The following DLGAP2 variants were observed in gnomAD, a reference collection of about 807,000 sequenced individuals.
The protein encoded by DLGAP2 is DLG associated protein 2.
In DLGAP2, 26 loss-of-function variants were observed where a neutral mutation model predicts 100.3. The observed-to-expected ratio is 0.26, with a 90% CI of 0.19 to 0.36. The LOEUF (loss-of-function observed/expected upper bound fraction) is 0.36. Ranked by LOEUF, DLGAP2 falls within the 10% of genes least tolerant of loss-of-function variation. The pLI is 1.00. For synonymous variants in DLGAP2, 886 were observed against 630.1 expected (o/e 1.41, Z -6.08); for missense variants, 1,858 against 1,453.2 (o/e 1.28, Z -4.53).
In DLGAP2 at chr8:1,464,915, A is replaced by C. The variant is rs529956219; in HGVS notation, c.107-36451A>C. On this transcript the variant is annotated intron_variant, in intron 3 of 14. Coordinates refer to ENST00000637795, the MANE Select transcript of DLGAP2 (RefSeq NM_001346810.2). The stretch of plus-strand genomic sequence containing the variant: ...CACAAAAAAAAAGTAGTATCTGAGT[A>C]GAGAAAAAGCACAAACCATGTGAGG... Among the ~76,000 whole-genome samples the C allele has an allele frequency of 9.7e-4, 142 of 145,964 alleles. 1 individual carries two copies. Among genetic ancestry groups the C allele is most frequent in the African/African-American group, 3.4e-3 (133 of 39,458 alleles).
intron 2 of DLGAP2, chr8:927,195 C>A: frequency 1.0e-6 from 1 of 985,382 alleles, no homozygotes; most frequent in Non-Finnish European, 1.2e-6. Flanking sequence ...AAAACTCCTA[C>A]AAAGGTAAGA....
intron 1 of DLGAP2, among the ~76,000 whole-genome samples, chr8:814,523 T>C (rs575264954): frequency 1.3e-5 from 2 of 152,244 alleles, no homozygotes; most frequent in African/African-American, 4.8e-5. Flanking sequence ...TCGGATCCCA[T>C]AAACCAATAT....
intron 1 of DLGAP2, among the ~76,000 whole-genome samples, chr8:796,166 G>A (rs1404265176): frequency 6.6e-6 from 1 of 152,204 alleles, no homozygotes; most frequent in African/African-American, 2.4e-5. Context: ...CAGGTGTCCA[G>A]TGAGAACAGG....
intron 2 of DLGAP2, among the ~76,000 whole-genome samples, chr8:1,008,797 C>G (rs1385145309): frequency 6.6e-6 from 1 of 152,218 alleles, no homozygotes; most frequent in Non-Finnish European, 1.5e-5. Context: ...GGTGCTGCGC[C>G]CCCACTGGTG....
chr8:1,072,501 C>T (rs186671244), intron 2 of DLGAP2, among the ~76,000 whole-genome samples: 6 of 152,218 alleles, frequency 3.9e-5, no homozygotes, highest in East Asian at 3.9e-4. Context: ...GAGAACTCGA[C>T]GCGTGTTTGA....
chr8:789,794 C>T (rs143928506), intron 1 of DLGAP2, among the ~76,000 whole-genome samples: 12 of 152,302 alleles, frequency 7.9e-5, no homozygotes, highest in Non-Finnish European at 1.6e-4. Flanking sequence ...GTTTAGAGAC[C>T]TGGCCTGTGA....
At chr8:1,371,575 C>T (rs73670792) in intron 3 of DLGAP2, among the ~76,000 whole-genome samples, 2,067 of 152,288 alleles carry the variant, frequency 0.014, 43 homozygotes, top group African/African-American at 0.045. Flanking sequence ...TCTCACTTCC[C>T]GTGACTTGAT....
chr8:1,377,019 G>A lies in DLGAP2; in HGVS notation c.106+118136G>A, dbSNP rs868318250. On this transcript the variant is annotated intron_variant, in intron 3 of 14. Transcript: ENST00000637795. ...GACCACATGCTTCAGCAGAACCACA[G>A]TGTCAGTTACTGTGCGCGGTCCCTG... Among the ~76,000 whole-genome samples the A allele has an allele frequency of 4.6e-5, 7 of 152,228 alleles. No homozygotes were observed. In the South Asian group the frequency reaches 1.0e-3, roughly 23 times the overall value.
At chr8:1,479,254 C>T (rs1484500386) in intron 3 of DLGAP2, among the ~76,000 whole-genome samples, 2 of 152,230 alleles carry the variant, frequency 1.3e-5, no homozygotes, top group African/African-American at 2.4e-5. Context: ...GACCTTTACT[C>T]CGCTGCCAAA....
intron 6 of DLGAP2, among the ~76,000 whole-genome samples, chr8:1,566,222 G>T (rs950932979): frequency 3.0e-4 from 46 of 152,156 alleles, no homozygotes; most frequent in Non-Finnish European, 6.0e-4. Context: ...GAATGTGTGC[G>T]TATGGGTGTG....
intron 3 of DLGAP2, among the ~76,000 whole-genome samples, chr8:1,344,729 G>A (rs1314765195): frequency 1.3e-5 from 2 of 152,134 alleles, no homozygotes; most frequent in Non-Finnish European, 1.5e-5. Context: ...ACATCTTAAC[G>A]CTGTGCTCGG....
chr8:1,606,519 C>T (rs565257099), intron 6 of DLGAP2, among the ~76,000 whole-genome samples: 2 of 152,282 alleles, frequency 1.3e-5, no homozygotes, highest in South Asian at 4.1e-4. Flanking sequence ...ATAACGTTTT[C>T]AACATTGATC....
intron 2 of DLGAP2, among the ~76,000 whole-genome samples, chr8:1,030,671 C>A (rs534521216): frequency 1.3e-4 from 20 of 152,302 alleles, no homozygotes; most frequent in African/African-American, 4.6e-4. Flanking sequence ...AATGTGGGCT[C>A]TACCCTTTCT....
At chr8:1,136,145 G>C (rs929891095) in intron 2 of DLGAP2, among the ~76,000 whole-genome samples, 1 of 152,168 alleles carries the variant, frequency 6.6e-6, no homozygotes, top group African/African-American at 2.4e-5. Flanking sequence ...GGTAGAAGTA[G>C]TGAGGAATCT....
intron 3 of DLGAP2, among the ~76,000 whole-genome samples, chr8:1,495,762 G>A (rs1163662066): frequency 6.6e-6 from 1 of 152,208 alleles, no homozygotes; most frequent in Non-Finnish European, 1.5e-5. Flanking sequence ...CTGTGCCCGG[G>A]GCCTTCCCCC....
intron 6 of DLGAP2, among the ~76,000 whole-genome samples, chr8:1,568,662 T>C (rs71499017): frequency 6.7e-5 from 8 of 119,380 alleles, no homozygotes; most frequent in African/African-American, 1.7e-4. Flanking sequence ...CATGCCACTG[T>C]CCACTCAGCA....
chr8:1,211,847 C>A (rs1417765405), intron 2 of DLGAP2, among the ~76,000 whole-genome samples: 2 of 152,098 alleles, frequency 1.3e-5, no homozygotes, highest in East Asian at 3.9e-4. Flanking sequence ...TGCACTCCAG[C>A]CTGGATGACA....
chr8:1,031,068 G>C (rs1193278173), intron 2 of DLGAP2, among the ~76,000 whole-genome samples: 1 of 152,202 alleles, frequency 6.6e-6, no homozygotes, highest in Non-Finnish European at 1.5e-5. Flanking sequence ...TCTGTTCCCA[G>C]AGCCTGCCTG....
rs190993533 is a variant in DLGAP2, at chr8:940,816, G to T, written c.73+32850G>T. Reference sequence around the variant, plus strand: ...ACCACCTTTCTGGGAAGAGTTATTGGTGGTTGTCCACCCACCTCACTGAGG... The same window carrying T: ...ACCACCTTTCTGGGAAGAGTTATTGTTGGTTGTCCACCCACCTCACTGAGG... On this transcript the variant is annotated intron_variant, in intron 2 of 14. Transcript: ENST00000637795. Among the ~76,000 whole-genome samples the T allele has an allele frequency of 1.7e-3, 262 of 152,260 alleles. 3 individuals carry two copies. Among genetic ancestry groups the T allele is most frequent in the African/African-American group, 6.2e-3 (258 of 41,534 alleles).
Sources: allele counts gnomAD v4.1 joint callset (sites outside exome capture counted in the v4.1 genomes callset), GRCh38; gene constraint gnomAD v4.1.1; transcripts MANE v1.5; gene names NCBI Gene and HGNC (gene_info 2026-07-23, HGNC 2026-07-21).